Variants in FBXO25 observed in about 807,000 individuals in gnomAD.
FBXO25 encodes F-box protein 25.
In FBXO25, 45 loss-of-function variants were observed where a neutral mutation model predicts 51.9. The ratio of observed to expected loss-of-function variants is 0.87; its 90% confidence interval spans 0.68 to 1.11. The LOEUF is 1.11. FBXO25 is among the 50% of genes most tolerant of loss of function. The pLI is 0.00. For missense variants in FBXO25, 507 were observed against 428.5 expected (o/e 1.18, Z -1.62); for synonymous variants, 199 against 151.0 (o/e 1.32, Z -2.33).
In FBXO25 at chr8:474,464, G is replaced by T. The variant is rs2116898177; in HGVS notation, c.*5660G>T. The T allele has an allele frequency of 3.3e-6, 1 of 306,166 alleles. No individual in the cohort carries two copies. Among genetic ancestry groups the T allele is most frequent in the East Asian group, 9.6e-5 (1 of 10,370 alleles). The allele number at this position is 306,166 out of a possible 1,614,324, so 19.0% of individuals were successfully genotyped here. A position where few individuals can be genotyped will look rare whatever the true frequency, so the allele number is the denominator to read the frequency against. On this transcript the variant is annotated 3_prime_UTR_variant, in exon 10 of 10. Coordinates refer to ENST00000350302, the MANE Select transcript of FBXO25 (RefSeq NM_183420.2). ...GGCAATCCTATGTTTAATTTCTTAG[G>T]GCACTGCCATAAGTGTTTTACACGG...
chr8:427,408 A>G (rs866104296), intron 2 of FBXO25, among the ~76,000 whole-genome samples: 3 of 151,000 alleles, frequency 2.0e-5, no homozygotes, highest in Non-Finnish European at 2.9e-5. Context: ...AGTCATGGCA[A>G]CTTGTTGCAT....
chr8:445,317 C>T (rs543359513), intron 5 of FBXO25, among the ~76,000 whole-genome samples: 1 of 152,174 alleles, frequency 6.6e-6, no homozygotes, highest in Non-Finnish European at 1.5e-5. Context: ...AAACTTATTT[C>T]GATGATAGGA....
At chr8:411,073 T>C (rs1308169146) in intron 1 of FBXO25, among the ~76,000 whole-genome samples, 1 of 152,216 alleles carries the variant, frequency 6.6e-6, no homozygotes, top group Non-Finnish European at 1.5e-5. Flanking sequence ...GATGTTCATC[T>C]CTCATTTATT....
intron 2 of FBXO25, among the ~76,000 whole-genome samples, chr8:417,998 C>T (rs1163825850): frequency 6.6e-6 from 1 of 152,160 alleles, no homozygotes; most frequent in Non-Finnish European, 1.5e-5. Flanking sequence ...CCAGTTTATA[C>T]TCTGCATAGT....
At chr8:468,386 G>A (rs889994011) in intron 9 of FBXO25, 10 of 602,912 alleles carry the variant, frequency 1.7e-5, no homozygotes, top group Non-Finnish European at 1.9e-5. Flanking sequence ...GTCCCCAGTG[G>A]TTTCTTCTGT....
intron 4 of FBXO25, among the ~76,000 whole-genome samples, chr8:433,363 T>G (rs1279332750): frequency 6.6e-6 from 1 of 152,210 alleles, no homozygotes; most frequent in East Asian, 1.9e-4. Flanking sequence ...AAGCATGGAC[T>G]CCTGCAGTCA....
chr8:466,966 T>C (rs1214207543), intron 9 of FBXO25, among the ~76,000 whole-genome samples: 1 of 152,150 alleles, frequency 6.6e-6, no homozygotes, highest in Admixed American at 6.5e-5. Context: ...TTTGGCCTTT[T>C]TATGTCCTGT....
rs1333656091 is a variant in FBXO25 at position 477,501 on chromosome 8, A to G, written c.*8697A>G. On this transcript the variant is annotated 3_prime_UTR_variant, in exon 10 of 10. Transcript: ENST00000350302. ...AAACTTTTTAAATTTCAACATGAAGATGAAATTATAGGATGTCTGGGATTT... is the reference window on the plus strand; with the variant it reads ...AAACTTTTTAAATTTCAACATGAAGGTGAAATTATAGGATGTCTGGGATTT... 6.6e-6 allele frequency: 1 copy of G among 152,256 alleles called. No homozygotes were observed. Among genetic ancestry groups the G allele is most frequent in the African/African-American group, 2.4e-5 (1 of 41,464 alleles). The allele number at this position is 152,256 out of a possible 1,614,324, so 9.4% of individuals were successfully genotyped here. A position where few individuals can be genotyped will look rare whatever the true frequency, so the allele number is the denominator to read the frequency against.
chr8:414,208 C>G (rs1379705259), intron 2 of FBXO25, among the ~76,000 whole-genome samples: 2 of 152,172 alleles, frequency 1.3e-5, no homozygotes, highest in East Asian at 3.8e-4. Flanking sequence ...TAGCAGTTCT[C>G]TGCCACGCTA....
chr8:431,238 C>T (rs1797803181), intron 2 of FBXO25, 103 bp from the exon 3 acceptor site: 3 of 613,782 alleles, frequency 4.9e-6, no homozygotes, highest in Admixed American at 7.0e-5. Context: ...TGATTTCAAG[C>T]CCACAGTCTG....
chr8:468,234 C>T lies in FBXO25; in HGVS notation c.988-481C>T, dbSNP rs527695682. 2.1e-5 allele frequency: 21 copies of T among 1,009,672 alleles called. No homozygotes were observed. The East Asian group carries it at 2.1e-3, about 99-fold the overall frequency. 62.5% of individuals were successfully genotyped at this position (1,009,672 alleles called of 1,614,324 possible). A position where few individuals can be genotyped will look rare whatever the true frequency, so the allele number is the denominator to read the frequency against. ...CAAGCAGGAGCCTTGGGGGCTGAGG[C>T]CGTGTGTCCCCCTCTCCTGTCCTAT... is the stretch of plus-strand genomic sequence containing the variant. On this transcript the variant is annotated intron_variant, in intron 9 of 9. Transcript: ENST00000350302.
chr8:407,638 C>T (rs1159166928), intron 1 of FBXO25, among the ~76,000 whole-genome samples: 5 of 152,054 alleles, frequency 3.3e-5, no homozygotes, highest in African/African-American at 1.2e-4. Context: ...CTCCTGCCGG[C>T]GTTTGCCCTC....
At chr8:464,405 A>T (rs1800016575) in intron 9 of FBXO25, among the ~76,000 whole-genome samples, 1 of 152,074 alleles carries the variant, frequency 6.6e-6, no homozygotes, top group Admixed American at 6.5e-5. Flanking sequence ...TCCTGGAGTG[A>T]CCCTGCTGAG....
chr8:443,265 C>G (rs551617275), intron 5 of FBXO25, among the ~76,000 whole-genome samples: 26 of 150,338 alleles, frequency 1.7e-4, no homozygotes, highest in African/African-American at 6.2e-4. Context: ...GGCAAGTATC[C>G]GAATTATATT....
chr8:441,340 C>A (rs576865650), intron 5 of FBXO25, among the ~76,000 whole-genome samples: 29 of 152,306 alleles, frequency 1.9e-4, no homozygotes, highest in African/African-American at 5.8e-4. Context: ...TGGACCGCTT[C>A]CTTACACCTT....
intron 2 of FBXO25, among the ~76,000 whole-genome samples, chr8:424,297 C>T (rs981986344): frequency 1.3e-5 from 2 of 152,072 alleles, no homozygotes; most frequent in African/African-American, 4.8e-5. Context: ...CAAATAGTTT[C>T]TCTCATTCCG....
intron 5 of FBXO25, among the ~76,000 whole-genome samples, chr8:444,879 T>C (rs1334180004): frequency 6.6e-6 from 1 of 152,234 alleles, no homozygotes; most frequent in Non-Finnish European, 1.5e-5. Flanking sequence ...ATACACTCTG[T>C]GATGTTCACA....
At chr8:420,017 C>T (rs1585013450) in intron 2 of FBXO25, among the ~76,000 whole-genome samples, 1 of 152,164 alleles carries the variant, frequency 6.6e-6, no homozygotes, top group Middle Eastern at 3.4e-3. Flanking sequence ...TGCAAATAAG[C>T]AGAGAAAAAT....
In FBXO25 at chr8:469,003, T is replaced by C. The variant is rs1800377541; in HGVS notation, c.*199T>C. The stretch of plus-strand genomic sequence containing the variant: ...AAAGTCAGAGGCCAAGGAAATCATT[T>C]CTACTTCTTTAAAAACTCCTTCTAA... On this transcript the variant is annotated 3_prime_UTR_variant, in exon 10 of 10. Transcript: ENST00000350302. 1.8e-6 allele frequency: 1 copy of C among 551,998 alleles called. No homozygotes were observed. The highest frequency in any genetic ancestry group is 3.2e-6 in the Non-Finnish European group (1 of 314,288). The allele number at this position is 551,998 out of a possible 1,614,324, so 34.2% of individuals were successfully genotyped here.
Sources: gnomAD v4.1 joint callset for allele counts (sites outside exome capture counted in the v4.1 genomes callset) on GRCh38, gnomAD v4.1.1 for gene constraint, MANE v1.5 for transcripts, NCBI Gene and HGNC (gene_info 2026-07-23, HGNC 2026-07-21) for gene names.